ITPR1: variants seen among roughly 807,000 people sequenced by gnomAD.
ITPR1 encodes the protein inositol 1,4,5-trisphosphate receptor type 1, also known as inositol 1,4,5-trisphosphate-gated calcium channel ITPR1.
A neutral mutation model predicts 318.4 loss-of-function variants in ITPR1; 96 were observed. The ratio of observed to expected loss-of-function variants is 0.30; its 90% CI spans 0.26 to 0.36. The LOEUF (loss-of-function observed/expected upper bound fraction) is 0.36. Among genes scored for constraint, ITPR1 ranks in the 10% least tolerant of loss-of-function variants. The pLI is 1.00. For missense variants in ITPR1, 2,440 were observed against 3,460.2 expected, an observed-to-expected ratio of 0.71 and a Z score of 7.40; for synonymous variants, 1,312 against 1,289.9, an observed-to-expected ratio of 1.02 and a Z score of -0.37.
intron 4 of ITPR1, among the ~76,000 whole-genome samples, chr3:4,556,792 G>C (rs112345714): frequency 0.016 from 2,370 of 152,244 alleles, 32 homozygotes; most frequent in Middle Eastern, 0.044. Flanking sequence ...GCAGGTTTTT[G>C]TGTGGACTTA....
intron 45 of ITPR1, among the ~76,000 whole-genome samples, chr3:4,767,820 G>C (rs2045918581): frequency 1.3e-5 from 2 of 152,224 alleles, no homozygotes; most frequent in Non-Finnish European, 2.9e-5. Context: ...ACTGTTCAAA[G>C]TTCTTTACAG....
At chr3:4,696,225 T>G (rs981383626) in intron 33 of ITPR1, among the ~76,000 whole-genome samples, 3 of 152,240 alleles carry the variant, frequency 2.0e-5, no homozygotes, top group African/African-American at 7.2e-5. Flanking sequence ...CTGAATATTT[T>G]CATCACCCCA....
Position 4,710,449 on chromosome 3 carries a change from G to C in ITPR1, c.4967G>C (p.Cys1656Ser), listed in dbSNP as rs2041268311. The change falls in exon 38 of 62, where the codon TGT (cysteine) becomes TCT (serine). Residue 1656 changes from cysteine (C) to serine (S), a missense_variant. By Grantham distance (112) the Cys-to-Ser change is moderately radical (BLOSUM62 -1). Transcript: ENST00000649015. This position sits in a 1 kb window ranked among gnomAD's most constrained non-coding sequence, Gnocchi z 4.2. ...GAGAACACAGACGCCAGAAGGAAATGTGAAAGTGGCGGTTTCATTTGCAAG... is the reference window on the plus strand; with the variant it reads ...GAGAACACAGACGCCAGAAGGAAATCTGAAAGTGGCGGTTTCATTTGCAAG... Reference protein sequence around the residue: ...FPENTDARRKCESGGFICKLI... With the variant: ...FPENTDARRKSESGGFICKLI... 1 of 1,554,068 alleles carries C rather than the reference G, an allele frequency of 6.4e-7. No individual in the cohort carries two copies. The highest frequency in any genetic ancestry group is 8.7e-7 in the Non-Finnish European group (1 of 1,148,178).
chr3:4,811,515 A>G (rs1421011019), intron 56 of ITPR1, 55 bp downstream of exon 56: 1 of 1,430,294 alleles, frequency 7.0e-7, no homozygotes, highest in Non-Finnish European at 9.7e-7. Context: ...TCCTGATTAT[A>G]ACTGAACTAA....
chr3:4,673,425 C>T (rs900161851), intron 21 of ITPR1, 38 bp downstream of exon 21: 2 of 1,562,698 alleles, frequency 1.3e-6, no homozygotes, highest in African/African-American at 2.7e-5. Context: ...TTACATTATT[C>T]TGTGCGGCAG....
At chr3:4,707,838 A>G (rs996043487) in intron 37 of ITPR1, among the ~76,000 whole-genome samples, 13 of 152,184 alleles carry the variant, frequency 8.5e-5, no homozygotes, top group African/African-American at 3.1e-4. Context: ...CAGTTACACA[A>G]CCTACTTGAA....
chr3:4,684,648 G>A (rs1426506674), intron 29 of ITPR1, among the ~76,000 whole-genome samples: 1 of 152,230 alleles, frequency 6.6e-6, no homozygotes, highest in Admixed American at 6.5e-5. Context: ...TGAGAATACT[G>A]TCAGGGAGTC....
chr3:4,761,862 G>A (rs985525526), intron 44 of ITPR1, among the ~76,000 whole-genome samples: 6 of 152,130 alleles, frequency 3.9e-5, no homozygotes, highest in African/African-American at 1.2e-4. Flanking sequence ...CCCTGCAAAC[G>A]CATCATTACA....
At chr3:4,542,310 G>T (rs2084534291) in intron 4 of ITPR1, among the ~76,000 whole-genome samples, 4 of 152,046 alleles carry the variant, frequency 2.6e-5, no homozygotes, top group Admixed American at 2.6e-4. Flanking sequence ...ATCAGCTTGT[G>T]TTTTTTTGGC....
intron 2 of ITPR1, among the ~76,000 whole-genome samples, chr3:4,516,131 A>G (rs2082154441): frequency 1.3e-5 from 2 of 152,232 alleles, no homozygotes; most frequent in Admixed American, 1.3e-4. Context: ...GTAACTCCCT[A>G]GTCACTGCCA....
At chr3:4,673,660 A>G (rs1036627197) in intron 21 of ITPR1, among the ~76,000 whole-genome samples, 1 of 152,048 alleles carries the variant, frequency 6.6e-6, no homozygotes, top group Non-Finnish European at 1.5e-5. Flanking sequence ...TCGGCTCACT[A>G]CAAGCTCTGC....
At chr3:4,785,421 A>G (rs961699023) in intron 51 of ITPR1, among the ~76,000 whole-genome samples, 1 of 152,250 alleles carries the variant, frequency 6.6e-6, no homozygotes, top group Non-Finnish European at 1.5e-5. Flanking sequence ...ATTTTAAAGA[A>G]TGGACAGACT....
intron 18 of ITPR1, among the ~76,000 whole-genome samples, chr3:4,668,849 T>C (rs940460645): frequency 2.0e-5 from 3 of 152,240 alleles, no homozygotes; most frequent in African/African-American, 7.2e-5. Flanking sequence ...CAAGTTCAGT[T>C]GTTGGTTGAG....
At chr3:4,714,052 A>G (rs1259487577) in intron 39 of ITPR1, among the ~76,000 whole-genome samples, 8 of 152,312 alleles carry the variant, frequency 5.3e-5, no homozygotes, top group Middle Eastern at 6.8e-3. Flanking sequence ...AAGGGACACT[A>G]AAGTATTTCT....
At chr3:4,739,627 C>A (rs1485270701) in intron 44 of ITPR1, among the ~76,000 whole-genome samples, 1 of 152,196 alleles carries the variant, frequency 6.6e-6, no homozygotes, top group African/African-American at 2.4e-5. Flanking sequence ...GATAAAATAT[C>A]CTGTACCTCT....
At chr3:4,628,579 A>G (rs1337431075) in intron 5 of ITPR1, among the ~76,000 whole-genome samples, 1 of 152,168 alleles carries the variant, frequency 6.6e-6, no homozygotes, top group East Asian at 1.9e-4. Flanking sequence ...CCAGTGTACT[A>G]ACATCGAAAT....
chr3:4,747,929 C>T (rs1194852441), intron 44 of ITPR1, among the ~76,000 whole-genome samples: 1 of 152,104 alleles, frequency 6.6e-6, no homozygotes, highest in Non-Finnish European at 1.5e-5. Context: ...CAGCTTTTGC[C>T]CGTTTTGCTC....
At chr3:4,612,130 C>T (rs967834879) in intron 4 of ITPR1, among the ~76,000 whole-genome samples, 8 of 124,856 alleles carry the variant, frequency 6.4e-5, no homozygotes, top group East Asian at 5.4e-4. Flanking sequence ...CAGTCCATGT[C>T]GGCTCACTGC....
chr3:4,666,278 A>T (rs2093944844), intron 17 of ITPR1, among the ~76,000 whole-genome samples: 2 of 152,198 alleles, frequency 1.3e-5, no homozygotes, highest in Non-Finnish European at 2.9e-5. Flanking sequence ...TTGTCATGTC[A>T]TCATAAAGAT....
Sources: allele counts gnomAD v4.1 joint callset (sites outside exome capture counted in the v4.1 genomes callset), GRCh38; gene constraint gnomAD v4.1.1; non-coding constraint Gnocchi (gnomAD v3.1); transcripts MANE v1.5; gene names NCBI Gene and HGNC (gene_info 2026-07-23, HGNC 2026-07-21).